Variants in FANCB observed in about 807,000 individuals in gnomAD.
The protein encoded by FANCB is FA complementation group B, also known as Fanconi anemia group B protein.
A neutral mutation model predicts 38.9 loss-of-function variants in FANCB; 5 were observed. That is an observed-to-expected ratio of 0.13 (90% CI 0.07 to 0.27). FANCB has a LOEUF of 0.27. FANCB is among the 10% of genes least tolerant of loss of function. The pLI, the probability that FANCB is intolerant of heterozygous loss-of-function variation, is 1.00. For synonymous variants in FANCB, 236 were observed against 215.4 expected (o/e 1.10, Z -0.84); for missense variants, 573 against 602.7 (o/e 0.95, Z 0.52).
At chrX:14,803,300 A>C in the FANCB span, among the ~76,000 whole-genome samples, 1 of 112,139 alleles carries the variant, frequency 8.9e-6, no homozygotes, top group Non-Finnish European at 1.9e-5. Context: ...TGAACAATCC[A>C]GGCTCAAGTT....
chrX:14,852,862 TAATC>T (rs1043439759), intron 6 of FANCB, among the ~76,000 whole-genome samples, 173 bp downstream of exon 6: 2 of 112,043 alleles, frequency 1.8e-5, no homozygotes, highest in African/African-American at 6.5e-5. Context: ...ATTGGCTCCT[TAATC>T]AAATATTTTT....
chrX:14,801,689 C>T, the FANCB span, among the ~76,000 whole-genome samples: 1 of 110,631 alleles, frequency 9.0e-6, no homozygotes, highest in African/African-American at 3.3e-5. Context: ...TTCTGGGGAT[C>T]GTGTTTTTCA....
At chrX:14,835,240 C>T (rs2092338087), downstream of FANCB, 13 of 499,236 alleles carry the variant, frequency 2.6e-5, no homozygotes, top group Non-Finnish European at 4.4e-5. Flanking sequence ...AAGTGATCAT[C>T]TTTATTGGCC....
the FANCB span, among the ~76,000 whole-genome samples, chrX:14,829,262 G>T: frequency 1.8e-5 from 2 of 111,602 alleles, no homozygotes; most frequent in Non-Finnish European, 3.8e-5. Context: ...AATAAACCAT[G>T]TTGTAAGAAG....
chrX:14,691,324 T>TGTGC, the FANCB span, among the ~76,000 whole-genome samples: 11 of 64,342 alleles, frequency 1.7e-4, no homozygotes, highest in South Asian at 7.3e-4. Context: ...TGTGTGTGTG[T>TGTGC]GCGCGCGTGC....
At chrX:14,764,199 A>G in the FANCB span, among the ~76,000 whole-genome samples, 1 of 111,165 alleles carries the variant, frequency 9.0e-6, no homozygotes, top group Non-Finnish European at 1.9e-5. Context: ...TTCTTTTAGG[A>G]GTCTCAGGGT....
At chrX:14,729,395 C>G in the FANCB span, among the ~76,000 whole-genome samples, 1 of 111,230 alleles carries the variant, frequency 9.0e-6, no homozygotes, top group African/African-American at 3.3e-5. Context: ...TTGACCCAAA[C>G]ACATACCCAG....
At chrX:14,751,590 T>C in the FANCB span, among the ~76,000 whole-genome samples, 1 of 111,868 alleles carries the variant, frequency 8.9e-6, no homozygotes, top group Non-Finnish European at 1.9e-5. Context: ...AAAAATTCAC[T>C]AAGTTATATA....
the FANCB span, among the ~76,000 whole-genome samples, chrX:14,805,373 T>C: frequency 2.7e-5 from 3 of 111,482 alleles, no homozygotes; most frequent in Admixed American, 1.9e-4. Context: ...ACTCAATATA[T>C]TTAAGATAGT....
chrX:14,773,844 T>C, the FANCB span, among the ~76,000 whole-genome samples: 28 of 110,565 alleles, frequency 2.5e-4, no homozygotes, highest in African/African-American at 9.2e-4. Context: ...CAACCTCACA[T>C]CTCTACACCC....
At chrX:14,831,512 C>T (rs1038480440), downstream of FANCB, among the ~76,000 whole-genome samples, 1 of 111,591 alleles carries the variant, frequency 9.0e-6, no homozygotes, top group African/African-American at 3.3e-5. Context: ...GCAATGGAAA[C>T]TGCCTGTCCA....
intron 5 of FANCB, among the ~76,000 whole-genome samples, chrX:14,854,555 C>A (rs919949996): frequency 8.9e-6 from 1 of 111,866 alleles, no homozygotes; most frequent in Non-Finnish European, 1.9e-5. Flanking sequence ...CTTCCCAGAA[C>A]TTTTCCATGT....
the FANCB span, among the ~76,000 whole-genome samples, chrX:14,704,880 A>G: frequency 2.7e-5 from 3 of 112,288 alleles, no homozygotes; most frequent in Admixed American, 9.4e-5. Context: ...TCAGAAAAAA[A>G]GTACAAAAAT....
At chrX:14,735,611 C>T in the FANCB span, among the ~76,000 whole-genome samples, 4 of 112,051 alleles carry the variant, frequency 3.6e-5, no homozygotes, top group Middle Eastern at 4.6e-3. Flanking sequence ...CTGGAAGCTT[C>T]GTCCCAGAGG....
At chrX:14,718,051 A>T in the FANCB span, among the ~76,000 whole-genome samples, 1 of 110,878 alleles carries the variant, frequency 9.0e-6, no homozygotes. Flanking sequence ...TTTTTCAAGC[A>T]GAAGTTACAT....
the FANCB span, among the ~76,000 whole-genome samples, chrX:14,761,562 T>A: frequency 3.6e-5 from 4 of 110,864 alleles, no homozygotes; most frequent in East Asian, 1.1e-3. Context: ...CTGGTAGAAG[T>A]AGATGGCAGT....
chrX:14,821,131 T>G, the FANCB span, among the ~76,000 whole-genome samples: 2 of 111,894 alleles, frequency 1.8e-5, no homozygotes, highest in Admixed American at 9.5e-5. Context: ...CAACTTTTTT[T>G]TTTGCTATAA....
the FANCB span, chrX:14,690,693 C>G: frequency 6.7e-4 from 423 of 631,053 alleles, no homozygotes; most frequent in Middle Eastern, 1.6e-3. Flanking sequence ...GTGTGTGTGT[C>G]TCTCTCTCTC....
At chrX:14,718,516 T>C in the FANCB span, among the ~76,000 whole-genome samples, 1 of 112,151 alleles carries the variant, frequency 8.9e-6, no homozygotes, top group Non-Finnish European at 1.9e-5. Context: ...TGCTCAGGAA[T>C]TTGTAAAAGG....
Sources: gnomAD v4.1 joint callset for allele counts (sites outside exome capture counted in the v4.1 genomes callset) on GRCh38, gnomAD v4.1.1 for gene constraint, MANE v1.5 for transcripts, NCBI Gene and HGNC (gene_info 2026-07-23, HGNC 2026-07-21) for gene names.